CPQ: variants seen among roughly 807,000 people sequenced by gnomAD.
The protein encoded by CPQ is carboxypeptidase Q, also known as Ser-Met dipeptidase.
In CPQ, 37 loss-of-function variants were observed where a neutral mutation model predicts 45.7. The observed-to-expected ratio is 0.81, with a 90% CI of 0.62 to 1.07. CPQ has a LOEUF of 1.07. CPQ is among the 50% of genes least tolerant of loss of function. CPQ has a pLI of 0.00. For missense variants in CPQ, 537 were observed against 572.9 expected (o/e 0.94, Z 0.64); for synonymous variants, 186 against 205.8 (o/e 0.90, Z 0.82).
intron 4 of CPQ, among the ~76,000 whole-genome samples, chr8:96,907,146 C>G (rs970006902): frequency 2.6e-5 from 4 of 152,178 alleles, no homozygotes; most frequent in Admixed American, 1.3e-4. Flanking sequence ...AACCAACAAT[C>G]TAGTGGCTCA....
intron 7 of CPQ, among the ~76,000 whole-genome samples, chr8:97,104,665 C>T (rs1652569279): frequency 1.3e-5 from 2 of 152,122 alleles, no homozygotes; most frequent in Admixed American, 1.3e-4. Context: ...TCCTCTGACC[C>T]CCATCTTGCA....
chr8:96,940,123 T>C (rs1008916677), intron 4 of CPQ, among the ~76,000 whole-genome samples: 2 of 151,944 alleles, frequency 1.3e-5, no homozygotes, highest in Non-Finnish European at 2.9e-5. Context: ...CTTGCCCTAT[T>C]TTTTTTGCCT....
At chr8:96,908,747 G>GCGTGCGCACACACACA (rs149476038) in intron 4 of CPQ, among the ~76,000 whole-genome samples, 1 of 140,918 alleles carries the variant, frequency 7.1e-6, no homozygotes, top group African/African-American at 2.6e-5. Context: ...ATACACATGC[G>GCGTGCGCACACACACA]CACACACACA....
Position 96,879,803 on chromosome 8 carries a change from A to T in CPQ, c.647A>T (p.His216Leu), listed in dbSNP as rs759581285. ...SVASFSIYSP[H>L]TGIQEYQDGV... is the part of the protein sequence containing the mutation. The stretch of plus-strand genomic sequence containing the variant: ...TGGTGGCTTCTTCTCTCAAGTCCTC[A>T]CACAGGTATTCAGGAATACCAGGAT... Residue 216 changes from histidine to leucine, a missense_variant, in exon 4 of 8, where the codon CAC (histidine) becomes CTC (leucine). Physicochemically the swap from His to Leu is moderately conservative, Grantham distance 99. Transcript: ENST00000220763. 3.0e-5 allele frequency: 49 copies of T among 1,613,744 alleles called. No homozygotes were observed. The East Asian group carries it at 1.1e-3, about 36-fold the overall frequency.
In CPQ at chr8:96,924,748, T is replaced by C. The variant is rs2130913487; in HGVS notation, c.850-41187T>C. The stretch of plus-strand genomic sequence containing the variant: ...ATACTGTAACTGATTATTGAGTATT[T>C]GGCTTGGGGGGCTTAATTTACCAGC... On this transcript the variant is annotated intron_variant, in intron 4 of 7. Transcript: ENST00000220763. Among the ~76,000 whole-genome samples, 3 of 152,322 alleles carry C rather than the reference T, an allele frequency of 2.0e-5. 1 individual carries two copies. The highest frequency in any genetic ancestry group is 4.1e-4 in the South Asian group (2 of 4,828).
Position 97,085,577 on chromosome 8 carries a change from C to G in CPQ, c.1255+19367C>G, listed in dbSNP as rs145616843. Among the ~76,000 whole-genome samples the G allele has an allele frequency of 1.2e-3, 187 of 152,252 alleles. 1 individual carries two copies. Among genetic ancestry groups the G allele is most frequent in the African/African-American group, 4.4e-3 (184 of 41,540 alleles). On this transcript the variant is annotated intron_variant, in intron 7 of 7. Transcript: ENST00000220763. ...TAGTCTTAACACCTCAGATATTTGG[C>G]AATACCCAGAATATTGACCATTTTT... is the stretch of plus-strand genomic sequence containing the variant.
At chr8:97,013,146 G>A (rs1196551425) in intron 5 of CPQ, among the ~76,000 whole-genome samples, 1 of 152,024 alleles carries the variant, frequency 6.6e-6, no homozygotes, top group African/African-American at 2.4e-5. Context: ...CATATGTGGT[G>A]GCAGGCACCT....
chr8:96,865,440 G>A (rs953097786), intron 3 of CPQ, among the ~76,000 whole-genome samples: 12 of 151,986 alleles, frequency 7.9e-5, no homozygotes, highest in Non-Finnish European at 1.8e-4. Flanking sequence ...GCACATAGAC[G>A]TGTACCCAGG....
chr8:97,117,762 C>T (rs1402109530), intron 7 of CPQ, among the ~76,000 whole-genome samples: 2 of 152,196 alleles, frequency 1.3e-5, no homozygotes, highest in East Asian at 3.9e-4. Context: ...TGGTCTCAAA[C>T]TTCCAGTCTC....
At chr8:97,094,758 T>A (rs570128107) in intron 7 of CPQ, among the ~76,000 whole-genome samples, 2 of 151,712 alleles carry the variant, frequency 1.3e-5, no homozygotes, top group African/African-American at 2.4e-5. Flanking sequence ...GCCATTAAAA[T>A]ATATATATAT....
At chr8:97,115,202 A>G (rs1231656242) in intron 7 of CPQ, among the ~76,000 whole-genome samples, 2 of 152,192 alleles carry the variant, frequency 1.3e-5, no homozygotes, top group Non-Finnish European at 2.9e-5. Context: ...TGCCTCTTCT[A>G]TTGCACAAAG....
intron 4 of CPQ, among the ~76,000 whole-genome samples, chr8:96,917,964 T>A (rs902556320): frequency 1.3e-5 from 2 of 152,170 alleles, no homozygotes; most frequent in African/African-American, 4.8e-5. Flanking sequence ...GTGCTTATAG[T>A]GCAGTTACTG....
intron 5 of CPQ, among the ~76,000 whole-genome samples, chr8:97,020,857 C>A (rs1265562556): frequency 6.6e-6 from 1 of 151,992 alleles, no homozygotes; most frequent in Non-Finnish European, 1.5e-5. Context: ...AGGGAACAGT[C>A]CCTAAATCAT....
intron 3 of CPQ, among the ~76,000 whole-genome samples, chr8:96,877,023 T>C (rs1338898274): frequency 6.6e-6 from 1 of 152,212 alleles, no homozygotes; most frequent in Non-Finnish European, 1.5e-5. Flanking sequence ...CTTTAAATCT[T>C]ATTTAGATTA....
intron 4 of CPQ, among the ~76,000 whole-genome samples, chr8:96,949,345 A>G (rs1284238784): frequency 6.7e-6 from 1 of 149,574 alleles, no homozygotes; most frequent in Admixed American, 6.7e-5. Context: ...TCGTTTGCTG[A>G]CTCATTTTGA....
chr8:96,704,951 G>C (rs1219282422), intron 1 of CPQ, among the ~76,000 whole-genome samples: 2 of 152,190 alleles, frequency 1.3e-5, no homozygotes, highest in African/African-American at 4.8e-5. Flanking sequence ...ACTCATTTGA[G>C]TGACAACACT....
intron 1 of CPQ, among the ~76,000 whole-genome samples, chr8:96,715,111 T>C (rs988805293): frequency 1.3e-5 from 2 of 152,172 alleles, no homozygotes; most frequent in Non-Finnish European, 2.9e-5. Context: ...GTTGAAGAAT[T>C]CAGGCTTCAG....
chr8:96,740,026 G>A (rs1031647657), intron 1 of CPQ, among the ~76,000 whole-genome samples: 3 of 152,014 alleles, frequency 2.0e-5, no homozygotes, highest in African/African-American at 7.3e-5. Context: ...CATGGGGATG[G>A]CATTGAATCT....
At chr8:96,932,038 G>C (rs1454075071) in intron 4 of CPQ, among the ~76,000 whole-genome samples, 1 of 151,962 alleles carries the variant, frequency 6.6e-6, no homozygotes, top group Non-Finnish European at 1.5e-5. Flanking sequence ...ATTATTTTTA[G>C]TTTTCAATTT....
Sources: allele counts gnomAD v4.1 joint callset (sites outside exome capture counted in the v4.1 genomes callset), GRCh38; gene constraint gnomAD v4.1.1; transcripts MANE v1.5; gene names NCBI Gene and HGNC (gene_info 2026-07-23, HGNC 2026-07-21).